Variants in XRCC6 observed in about 807,000 individuals in gnomAD.
XRCC6 encodes DNA repair protein Ku70.
A neutral mutation model predicts 65.7 loss-of-function variants in XRCC6; 5 were observed. The ratio of observed to expected loss-of-function variants is 0.08; its 90% confidence interval spans 0.04 to 0.16. XRCC6 has a LOEUF of 0.16. Among genes scored for constraint, XRCC6 ranks in the 10% least tolerant of loss-of-function variants. The pLI, the probability that XRCC6 is intolerant of heterozygous loss-of-function variation, is 1.00. For missense variants in XRCC6, 447 were observed against 738.1 expected (o/e 0.61, Z 4.57); for synonymous variants, 270 against 270.6 (o/e 1.00, Z 0.02).
intron 7 of XRCC6, among the ~76,000 whole-genome samples, chr22:41,650,183 C>T (rs2067981940): frequency 6.6e-6 from 1 of 151,884 alleles, no homozygotes; most frequent in Admixed American, 6.6e-5. Flanking sequence ...TGGCACACTG[C>T]ATCCTCGAAC....
At chr22:41,635,989 T>C in intron 3 of XRCC6, 124 bp from the exon 4 acceptor site, 1 of 773,176 alleles carries the variant, frequency 1.3e-6, no homozygotes. Flanking sequence ...AAGGTAGGGA[T>C]CTTGCCTTAT....
intron 3 of XRCC6, 166 bp downstream of exon 3, chr22:41,628,396 A>G (rs1239726761): frequency 2.0e-6 from 1 of 511,236 alleles, no homozygotes; most frequent in Non-Finnish European, 3.5e-6. Flanking sequence ...CGTCTCTACA[A>G]AAAATACACA....
intron 2 of XRCC6, among the ~76,000 whole-genome samples, chr22:41,624,724 G>A (rs527547107): frequency 4.6e-4 from 69 of 150,684 alleles, no homozygotes; most frequent in Non-Finnish European, 6.6e-4. Context: ...AAGGCCGGGC[G>A]CGGTGGCTCA....
intron 2 of XRCC6, among the ~76,000 whole-genome samples, 188 bp from the exon 3 acceptor site, chr22:41,627,930 G>A (rs944619007): frequency 2.0e-5 from 3 of 152,206 alleles, no homozygotes; most frequent in South Asian, 2.1e-4. Context: ...GTAATTGGGA[G>A]GGAATGTAAG....
intron 3 of XRCC6, among the ~76,000 whole-genome samples, chr22:41,633,481 A>G (rs1159757014): frequency 6.7e-6 from 1 of 149,916 alleles, no homozygotes; most frequent in African/African-American, 2.5e-5. Context: ...GGTTCACACC[A>G]TTCTCCTGCC....
In XRCC6 at chr22:41,636,223, T is replaced by G. The variant is rs1569085375; in HGVS notation, c.306T>G (p.Ile102Met). The change falls in exon 4 of 13, where the codon ATT becomes ATG. Residue 102 changes from isoleucine (I) to methionine (M), a missense_variant. Around this residue, in one of 4 missense-constraint regions of XRCC6, gnomAD observed 228 missense variants for 307.4 expected, o/e 0.74. Transcript: ENST00000360079. Reference sequence around the variant, plus strand: ...AAAATTCAGTGAATTTTAAAAATATTTACGTCTTACAGGAGCTGGATAATC... The same window carrying G: ...AAAATTCAGTGAATTTTAAAAATATGTACGTCTTACAGGAGCTGGATAATC... ...KDKNSVNFKN[I>M]YVLQELDNPG... 6.2e-7 allele frequency: 1 copy of G among 1,602,886 alleles called. No individual in the cohort carries two copies. Among genetic ancestry groups the G allele is most frequent in the Non-Finnish European group, 8.5e-7 (1 of 1,177,088 alleles).
At chr22:41,650,121 TG>T (rs991183738) in intron 7 of XRCC6, among the ~76,000 whole-genome samples, 1 of 151,732 alleles carries the variant, frequency 6.6e-6, no homozygotes, top group African/African-American at 2.4e-5. Flanking sequence ...TTTTTTGTGT[TG>T]GGGGGATAGA....
At chr22:41,659,263 T>C (rs2068077608) in intron 11 of XRCC6, among the ~76,000 whole-genome samples, 1 of 152,148 alleles carries the variant, frequency 6.6e-6, no homozygotes, top group Admixed American at 6.6e-5. Context: ...GAGAAACGTT[T>C]TGAGCTAAAC....
At chr22:41,628,007 C>A (rs1163896306) in intron 2 of XRCC6, 111 bp from the exon 3 acceptor site, 2 of 664,916 alleles carry the variant, frequency 3.0e-6, no homozygotes, top group African/African-American at 1.9e-5. Context: ...TGGTTGTTCA[C>A]CTTATAATAA....
chr22:41,652,290 G>A (rs931004086), intron 8 of XRCC6, among the ~76,000 whole-genome samples: 4 of 151,842 alleles, frequency 2.6e-5, no homozygotes, highest in South Asian at 2.1e-4. Context: ...GATTTGACTC[G>A]ATTGGTTTTC....
rs1372514433 is a variant in XRCC6 at position 41,647,100 on chromosome 22, T to C, written c.960+18T>C. The C allele has an allele frequency of 6.2e-7, 1 of 1,606,626 alleles. No individual in the cohort carries two copies. Among genetic ancestry groups the C allele is most frequent in the Non-Finnish European group, 8.5e-7 (1 of 1,176,408 alleles). On this transcript the variant is annotated intron_variant, in intron 7 of 12. Transcript: ENST00000360079. ...GGTCTCAGGTAGGTAGAGATGCCTT[T>C]TGTTGTTGTTGTTTTTGAGACAGGG...
chr22:41,653,155 A>G (rs28384763), intron 8 of XRCC6, among the ~76,000 whole-genome samples: 2,275 of 152,126 alleles, frequency 0.015, 67 homozygotes, highest in African/African-American at 0.053. Flanking sequence ...TGTAATCCCA[A>G]CACTTTGGGA....
At chr22:41,634,042 A>C (rs1382687995) in intron 3 of XRCC6, among the ~76,000 whole-genome samples, 1 of 152,126 alleles carries the variant, frequency 6.6e-6, no homozygotes, top group African/African-American at 2.4e-5. Context: ...TGCCATGTGG[A>C]TTGTTGTCAG....
intron 4 of XRCC6, 109 bp from the exon 5 acceptor site, chr22:41,636,407 G>T: frequency 6.6e-7 from 1 of 1,509,478 alleles, no homozygotes; most frequent in Non-Finnish European, 8.9e-7. Flanking sequence ...TGTTAAATGG[G>T]TTAAACAGCT....
intron 4 of XRCC6, 54 bp downstream of exon 4, chr22:41,636,305 C>T: frequency 6.5e-7 from 1 of 1,544,426 alleles, no homozygotes; most frequent in Non-Finnish European, 8.7e-7. Flanking sequence ...TATCAGTACT[C>T]TGATCAAAGA....
intron 6 of XRCC6, 27 bp downstream of exon 6, chr22:41,637,818 C>A: frequency 1.2e-6 from 2 of 1,604,748 alleles, no homozygotes; most frequent in South Asian, 1.1e-5. Context: ...GGTCAGCTGC[C>A]TACACTGCCC....
At chr22:41,661,718 C>T in intron 12 of XRCC6, 1 of 377,958 alleles carries the variant, frequency 2.6e-6, no homozygotes. Flanking sequence ...CCATATGATC[C>T]AGCATACCAT....
chr22:41,651,842 G>A (rs1335727445), intron 8 of XRCC6, among the ~76,000 whole-genome samples: 1 of 151,760 alleles, frequency 6.6e-6, no homozygotes. Context: ...GGAGTGAAGT[G>A]GCGCAATCTC....
intron 8 of XRCC6, among the ~76,000 whole-genome samples, chr22:41,652,402 G>A (rs28384761): frequency 6.2e-5 from 9 of 146,060 alleles, no homozygotes; most frequent in Admixed American, 4.2e-4. Flanking sequence ...GTCTCACTCT[G>A]TCACCCAGGC....
Sources: allele counts gnomAD v4.1 joint callset (sites outside exome capture counted in the v4.1 genomes callset), GRCh38; gene constraint gnomAD v4.1.1; regional missense constraint gnomAD v4.1.1; transcripts MANE v1.5; gene names NCBI Gene and HGNC (gene_info 2026-07-23, HGNC 2026-07-21).